RBFOX1: variants seen among roughly 807,000 people sequenced by gnomAD.
The protein encoded by RBFOX1 is RNA binding fox-1 homolog 1.
Under a neutral mutation model 57.7 loss-of-function variants are expected in RBFOX1, and 8 were observed. That is an observed-to-expected ratio of 0.14 (90% CI 0.08 to 0.25). RBFOX1 has a LOEUF of 0.25. RBFOX1 is among the 10% of genes least tolerant of loss of function. The pLI, the probability that RBFOX1 is intolerant of heterozygous loss-of-function variation, is 1.00. For synonymous variants in RBFOX1, 326 were observed against 222.4 expected, an observed-to-expected ratio of 1.47 and a Z score of -4.15; for missense variants, 611 against 548.5, an observed-to-expected ratio of 1.11 and a Z score of -1.14.
intron 4 of RBFOX1, among the ~76,000 whole-genome samples, chr16:5,886,914 T>C (rs1389856487): frequency 6.6e-6 from 1 of 152,116 alleles, no homozygotes; most frequent in African/African-American, 2.4e-5. Context: ...TCTTCAATCA[T>C]TCATTGTGTC....
chr16:7,100,005 T>G (rs916515145), intron 4 of RBFOX1, among the ~76,000 whole-genome samples: 4 of 151,990 alleles, frequency 2.6e-5, no homozygotes, highest in African/African-American at 9.7e-5. Flanking sequence ...AACCAGTCTT[T>G]CAGGTTAAAC....
chr16:5,603,087 A>G (rs1421006712), downstream of RBFOX1, among the ~76,000 whole-genome samples: 2 of 152,104 alleles, frequency 1.3e-5, no homozygotes, highest in African/African-American at 4.8e-5. Context: ...CTTCCTACTC[A>G]CTGCCCTGTG....
chr16:6,816,903 C>G (rs935441512), intron 3 of RBFOX1, among the ~76,000 whole-genome samples: 1 of 151,786 alleles, frequency 6.6e-6, no homozygotes, highest in Non-Finnish European at 1.5e-5. Context: ...TACCACCATG[C>G]CTAGCTGTTT....
At chr16:6,116,183 A>G (rs1330826104) in intron 1 of RBFOX1, among the ~76,000 whole-genome samples, 1 of 150,948 alleles carries the variant, frequency 6.6e-6, no homozygotes, top group Non-Finnish European at 1.5e-5. Flanking sequence ...AAAACCGAAC[A>G]CCGTATGTCC....
At chr16:6,680,430 T>G (rs1356736063) in intron 3 of RBFOX1, among the ~76,000 whole-genome samples, 2 of 151,822 alleles carry the variant, frequency 1.3e-5, no homozygotes, top group Non-Finnish European at 2.9e-5. Context: ...ACCTGGCTAA[T>G]TTTTTTGTAT....
At chr16:7,622,927 C>T (rs1161407687) in intron 10 of RBFOX1, among the ~76,000 whole-genome samples, 1 of 152,136 alleles carries the variant, frequency 6.6e-6, no homozygotes, top group Non-Finnish European at 1.5e-5. Context: ...TGGATTAGCT[C>T]AATGCTAGTC....
chr16:5,638,633 GTT>G (rs1247606325), intron 3 of RBFOX1, among the ~76,000 whole-genome samples: 1 of 152,138 alleles, frequency 6.6e-6, no homozygotes, highest in Non-Finnish European at 1.5e-5. Flanking sequence ...GTATTCATAA[GTT>G]TTTATTCACT....
intron 13 of RBFOX1, among the ~76,000 whole-genome samples, chr16:7,676,489 G>A (rs891324646): frequency 1.3e-5 from 2 of 152,274 alleles, no homozygotes; most frequent in Non-Finnish European, 2.9e-5. Flanking sequence ...TCCACCCCAA[G>A]ACAATCGCCA....
intron 1 of RBFOX1, among the ~76,000 whole-genome samples, chr16:5,350,833 C>T (rs2065247142): frequency 6.6e-6 from 1 of 151,958 alleles, no homozygotes; most frequent in South Asian, 2.1e-4. Context: ...CCACTGCGCT[C>T]CAGCCTGGGC....
intron 4 of RBFOX1, among the ~76,000 whole-genome samples, chr16:5,910,834 C>T (rs1447569021): frequency 6.6e-6 from 1 of 152,146 alleles, no homozygotes; most frequent in African/African-American, 2.4e-5. Flanking sequence ...CTGGCAGATT[C>T]ACAACCCCAG....
At chr16:7,407,704 G>T (rs1329870588) in intron 4 of RBFOX1, among the ~76,000 whole-genome samples, 1 of 152,144 alleles carries the variant, frequency 6.6e-6, no homozygotes, top group Non-Finnish European at 1.5e-5. Context: ...TACAATGCTG[G>T]TTGATATGCA....
intron 13 of RBFOX1, among the ~76,000 whole-genome samples, chr16:7,671,930 G>C (rs1001465048): frequency 1.3e-5 from 2 of 152,150 alleles, no homozygotes; most frequent in Non-Finnish European, 2.9e-5. Flanking sequence ...TAATTTTTTA[G>C]TTTAAAAGCT....
intron 1 of RBFOX1, among the ~76,000 whole-genome samples, chr16:5,380,551 T>C (rs2066105580): frequency 1.3e-5 from 2 of 152,342 alleles, no homozygotes; most frequent in South Asian, 4.1e-4. Context: ...CGAATAGGAC[T>C]TACCTTTGGG....
In RBFOX1 at chr16:5,539,799, A is replaced by G. The variant is rs1282914336; in HGVS notation, c.259-59103A>G. 2.6e-5 allele frequency among the ~76,000 whole-genome samples: 4 copies of G among 152,308 alleles called. No homozygotes were observed. The East Asian group carries it at 7.7e-4, about 29-fold the overall frequency. ...TGCTTAGATGCCTATTTTTTTAAGC[A>G]TTATCATCTTGGAAAGTTGGATTTG... On this transcript the variant is annotated intron_variant, in intron 2 of 2. Transcript: ENST00000585867.
At chr16:7,573,843 A>AAG (rs1372813903) in intron 5 of RBFOX1, among the ~76,000 whole-genome samples, 1 of 151,668 alleles carries the variant, frequency 6.6e-6, no homozygotes, top group Non-Finnish European at 1.5e-5. Flanking sequence ...TCAAAAAAAA[A>AAG]AAGAGGTCAA....
rs373905225 is a variant in RBFOX1, at chr16:6,880,061, G to C, written c.-15-171996G>C. On this transcript the variant is annotated intron_variant, in intron 3 of 15. Coordinates refer to ENST00000550418, the MANE Select transcript of RBFOX1 (RefSeq NM_018723.4). ...ATCCATGCAAGTAAATTTTCCTCCA[G>C]ATTCAACTCCTTTCTCCTTAGGGAT... Among the ~76,000 whole-genome samples, 8 of 152,148 alleles carry C rather than the reference G, an allele frequency of 5.3e-5. No individual in the cohort carries two copies. In the East Asian group the frequency reaches 1.2e-3, roughly 22 times the overall value.
At chr16:6,533,498 G>A (rs1023977772) in intron 2 of RBFOX1, among the ~76,000 whole-genome samples, 1 of 152,120 alleles carries the variant, frequency 6.6e-6, no homozygotes, top group African/African-American at 2.4e-5. Flanking sequence ...ACTTGACACA[G>A]CCTCCAGGGA....
intron 3 of RBFOX1, among the ~76,000 whole-genome samples, chr16:6,927,268 C>G (rs2075757334): frequency 6.6e-6 from 1 of 151,580 alleles, no homozygotes; most frequent in Non-Finnish European, 1.5e-5. Context: ...GAGAAATTTG[C>G]CAGGTGTGGT....
chr16:7,001,697 T>C (rs2092822808), intron 3 of RBFOX1, among the ~76,000 whole-genome samples: 1 of 152,106 alleles, frequency 6.6e-6, no homozygotes, highest in Non-Finnish European at 1.5e-5. Context: ...CCTGAAGTGA[T>C]CCATCCTCCT....
Sources: gnomAD v4.1 joint callset for allele counts (sites outside exome capture counted in the v4.1 genomes callset) on GRCh38, gnomAD v4.1.1 for gene constraint, MANE v1.5 for transcripts, NCBI Gene and HGNC (gene_info 2026-07-23, HGNC 2026-07-21) for gene names.